Variants in SCNN1A observed in about 807,000 individuals in gnomAD.
The protein encoded by SCNN1A is epithelial sodium channel subunit alpha.
Under a neutral mutation model 68.6 loss-of-function variants are expected in SCNN1A, and 65 were observed. That is an observed-to-expected ratio of 0.95 (90% CI 0.78 to 1.16). The LOEUF (loss-of-function observed/expected upper bound fraction) is 1.16, where lower values mean the gene tolerates loss of function less well. SCNN1A is among the 50% of genes most tolerant of loss of function. SCNN1A has a pLI of 0.00. For missense variants in SCNN1A, 880 were observed against 865.9 expected, an observed-to-expected ratio of 1.02 and a Z score of -0.20; for synonymous variants, 357 against 353.3, an observed-to-expected ratio of 1.01 and a Z score of -0.12.
rs1948384105 is a variant in SCNN1A, at chr12:6,351,370, T to C, written c.1361-1965A>G. ...CGGGCGCAGTGGCTCATGCCTGTAA[T>C]CCCAGCACTTGGGGGCTGAGGTGGG... is the stretch of plus-strand genomic sequence containing the variant. On this transcript the variant is annotated intron_variant, in intron 8 of 12. Coordinates refer to ENST00000228916, the MANE Select transcript of SCNN1A (RefSeq NM_001038.6). The surrounding 1 kb of genome is among the most constrained non-coding windows in gnomAD (Gnocchi z 4.2). Among the ~76,000 whole-genome samples, 1 of 152,164 alleles carries C rather than the reference T, an allele frequency of 6.6e-6. No individual in the cohort carries two copies. The highest frequency in any genetic ancestry group is 1.5e-5 in the Non-Finnish European group (1 of 68,022).
Position 6,355,295 on chromosome 12 carries a change from C to T in SCNN1A, c.1120G>A (p.Glu374Lys). The change falls in exon 6 of 13, where the codon GAG becomes AAG. Residue 374 changes from glutamate to lysine, a missense_variant. Physicochemically the swap from Glu to Lys is moderately conservative, Grantham distance 56. This residue lies in a region of SCNN1A where 758 missense variants were observed against 721.8 expected (regional missense o/e 1.05). Coordinates refer to ENST00000228916, the MANE Select transcript of SCNN1A (RefSeq NM_001038.6). ...GCCTTCCTCATGCTGATGGAGGTCTCCACGCCAGGCCGCAAGTTAAAGCCA... is the reference window on the plus strand; with the variant it reads ...GCCTTCCTCATGCTGATGGAGGTCTTCACGCCAGGCCGCAAGTTAAAGCCA... Reference protein sequence around the residue: ...DGGFNLRPGVETSISMRKETL... With the variant: ...DGGFNLRPGVKTSISMRKETL... 1.9e-6 allele frequency: 3 copies of T among 1,613,408 alleles called. No homozygotes were observed. Among genetic ancestry groups the T allele is most frequent in the Non-Finnish European group, 2.5e-6 (3 of 1,179,690 alleles).
At position 6,355,433 on chromosome 12, in the gene SCNN1A, G is replaced by T; in HGVS notation, c.982C>A (p.Leu328Met). Residue 328 changes from leucine (L) to methionine (M), a missense_variant and splice_region_variant, in exon 6 of 13, where the codon CTG becomes ATG. Coordinates refer to ENST00000228916, the MANE Select transcript of SCNN1A (RefSeq NM_001038.6). ...MSSMPGINNG[L>M]SLMLRAEQND... ...TGCTCTGCGCGCAGCATCAGGGACA[G>T]ACCTAGGGGTGCAGAGAGAGCAGAG... The T allele has an allele frequency of 6.2e-7, 1 of 1,613,844 alleles. No homozygotes were observed.
Position 6,347,397 on chromosome 12 carries a change from G to A in SCNN1A, c.*476C>T, listed in dbSNP as rs1435402225. On this transcript the variant is annotated 3_prime_UTR_variant, in exon 13 of 13. Transcript: ENST00000228916. ...CTTTTGGGTGGGGTTTCCCACCCAA[G>A]TTCAAGAGGAGGAGCAGACATCTGT... The A allele has an allele frequency of 1.2e-5, 2 of 165,434 alleles. No homozygotes were observed. The highest frequency in any genetic ancestry group is 4.8e-5 in the African/African-American group (2 of 41,702). 10.2% of individuals were successfully genotyped at this position (165,434 alleles called of 1,614,324 possible).
At chr12:6,355,156 C>T in intron 6 of SCNN1A, 116 bp downstream of exon 6, 2 of 1,179,164 alleles carry the variant, frequency 1.7e-6, no homozygotes, top group African/African-American at 1.5e-5. Flanking sequence ...CTCCTGAAGA[C>T]CTCCACATGC....
rs1948455469 is a variant in SCNN1A at position 6,354,375 on chromosome 12, G to GA, written c.1360+62dup. On this transcript the variant is annotated intron_variant, in intron 8 of 12. Coordinates refer to ENST00000228916, the MANE Select transcript of SCNN1A (RefSeq NM_001038.6). The stretch of plus-strand genomic sequence containing the variant: ...ATCCCCACAAACAGGGGACTGAGAG[G>GA]AAAAAGTGCCTCAGTGAGTACTGGG... 2.8e-6 allele frequency: 3 copies of GA among 1,075,942 alleles called. No individual in the cohort carries two copies. The African/African-American group carries it at 4.7e-5, about 17-fold the overall frequency. The allele number at this position is 1,075,942 out of a possible 1,614,324, so 66.6% of individuals were successfully genotyped here. A position where few individuals can be genotyped will look rare whatever the true frequency, so the allele number is the denominator to read the frequency against.
In SCNN1A at chr12:6,351,635, A is replaced by G. The variant is rs549980738; in HGVS notation, c.1361-2230T>C. Among the ~76,000 whole-genome samples the G allele has an allele frequency of 2.1e-3, 321 of 151,966 alleles. No individual in the cohort carries two copies. Among genetic ancestry groups the G allele is most frequent in the African/African-American group, 7.4e-3 (305 of 41,490 alleles). On this transcript the variant is annotated intron_variant, in intron 8 of 12. Transcript: ENST00000228916. This position sits in a 1 kb window ranked among gnomAD's most constrained non-coding sequence, Gnocchi z 4.2. ...GAGGGAGATTCTGTCTCCAGAAGAA[A>G]AAAAAAAAAAAAGATTCAGAATAGG...
In SCNN1A at chr12:6,354,304, A is replaced by G. The variant is rs528903341; in HGVS notation, c.1360+134T>C. On this transcript the variant is annotated intron_variant, in intron 8 of 12. Transcript: ENST00000228916. ...AGAGGCAGAGACTAAAGGCTGAAAA[A>G]CAAGAGCAAGGAAGGATTCATCCCA... 87 of 717,984 alleles carry G rather than the reference A, an allele frequency of 1.2e-4. 2 individuals are homozygous for G. The South Asian group carries it at 1.3e-3, about 10-fold the overall frequency. The allele number at this position is 717,984 out of a possible 1,614,324, so 44.5% of individuals were successfully genotyped here.
chr12:6,354,614 G>A, intron 7 of SCNN1A, 59 bp from the exon 8 acceptor site: 5 of 1,425,792 alleles, frequency 3.5e-6, no homozygotes, highest in Non-Finnish European at 5.0e-6. Flanking sequence ...GCAGTTCTCT[G>A]CACAGAGCCT....
intron 8 of SCNN1A, among the ~76,000 whole-genome samples, chr12:6,350,325 G>A (rs569373169): frequency 3.3e-5 from 5 of 151,608 alleles, no homozygotes; most frequent in South Asian, 2.1e-4. Context: ...CCAGCTACTC[G>A]GGAGGCTGAG....
Position 6,349,490 on chromosome 12 carries a change from G to A in SCNN1A, c.1361-85C>T, listed in dbSNP as rs1948334316. 5.4e-6 allele frequency: 5 copies of A among 921,040 alleles called. 1 individual carries two copies. In the South Asian group the frequency reaches 7.0e-5, roughly 13 times the overall value. The allele number at this position is 921,040 out of a possible 1,614,324, so 57.1% of individuals were successfully genotyped here. A position where few individuals can be genotyped will look rare whatever the true frequency, so the allele number is the denominator to read the frequency against. On this transcript the variant is annotated intron_variant, in intron 8 of 12. Transcript: ENST00000228916. ...CCAAGAGGTCTCCCAAGATCCCTGG[G>A]TACCCACTTTACAAGAGCATTATTT...
Position 6,363,515 on chromosome 12 carries a change from A to G in SCNN1A, c.612T>C (p.Arg204=), listed in dbSNP as rs1430035555. The G allele has an allele frequency of 2.5e-6, 4 of 1,608,898 alleles. No individual in the cohort carries two copies. In the South Asian group the frequency reaches 3.3e-5, roughly 13 times the overall value. Residue 204 remains arginine, a synonymous_variant, in exon 3 of 13, where the codon CGT becomes CGC. Transcript: ENST00000228916. The part of the protein sequence containing the change: ...PPPPHGARRA[R]SVASSLRDNN... Reference sequence around the variant, plus strand: ...TGTCCCGCAAGCTGGAGGCCACGCTACGGGCTCGACGGGCCCCGTGAGGCG... The same window carrying G: ...TGTCCCGCAAGCTGGAGGCCACGCTGCGGGCTCGACGGGCCCCGTGAGGCG...
chr12:6,355,140 T>C lies in SCNN1A; in HGVS notation c.1143+132A>G, dbSNP rs1948473726. On this transcript the variant is annotated intron_variant, in intron 6 of 12. Coordinates refer to ENST00000228916, the MANE Select transcript of SCNN1A (RefSeq NM_001038.6). ...CCAGTGCCAGCCCCTCTGCCCCTCA[T>C]TCCTGCTCCTGAAGACCTCCACATG... The C allele has an allele frequency of 1.5e-5, 16 of 1,044,382 alleles. No homozygotes were observed. The South Asian group carries it at 2.0e-4, about 13-fold the overall frequency. 64.7% of individuals were successfully genotyped at this position (1,044,382 alleles called of 1,614,324 possible).
At chr12:6,354,318 G>A (rs542208017) in intron 8 of SCNN1A, 120 bp downstream of exon 8, 2 of 744,852 alleles carry the variant, frequency 2.7e-6, no homozygotes, top group African/African-American at 1.7e-5. Context: ...GAGCAAGGAA[G>A]GATTCATCCC....
At chr12:6,370,494 C>G (rs563394656) in intron 2 of SCNN1A, among the ~76,000 whole-genome samples, 2 of 152,358 alleles carry the variant, frequency 1.3e-5, no homozygotes, top group South Asian at 2.1e-4. Flanking sequence ...CCCCGGTGGC[C>G]TCCTCTCACA....
intron 2 of SCNN1A, among the ~76,000 whole-genome samples, chr12:6,370,151 C>G (rs1314232006): frequency 2.0e-5 from 3 of 152,208 alleles, no homozygotes; most frequent in Non-Finnish European, 4.4e-5. Flanking sequence ...AACCCTTACA[C>G]AATTCCATCG....
rs1948385965 is a variant in SCNN1A, at chr12:6,351,504, G to A, written c.1361-2099C>T. Among the ~76,000 whole-genome samples, 1 of 151,976 alleles carries A rather than the reference G, an allele frequency of 6.6e-6. No homozygotes were observed. The highest frequency in any genetic ancestry group is 2.4e-5 in the African/African-American group (1 of 41,366). On this transcript the variant is annotated intron_variant, in intron 8 of 12. Transcript: ENST00000228916. This position sits in a 1 kb window ranked among gnomAD's most constrained non-coding sequence, Gnocchi z 4.2. ...TGGGCTTGGCAGCATGCGCCTGTAT[G>A]TAGTCCCAGGTACTCGGGAAGCTGA...
At chr12:6,375,950 G>A (rs1295972886), upstream of SCNN1A, 1 of 1,056,716 alleles carries the variant, frequency 9.5e-7, no homozygotes, top group East Asian at 7.2e-5. Flanking sequence ...GAGGGGCACT[G>A]AGTGAGTAGA....
chr12:6,375,918 G>A (rs547756812), upstream of SCNN1A: 23 of 1,159,514 alleles, frequency 2.0e-5, 1 homozygote, highest in African/African-American at 8.1e-5. Context: ...GGACAGCGAA[G>A]GACAGAGAGA....
At chr12:6,353,516 G>A (rs182195643) in intron 8 of SCNN1A, among the ~76,000 whole-genome samples, 16 of 152,074 alleles carry the variant, frequency 1.1e-4, no homozygotes, top group East Asian at 5.8e-4. Flanking sequence ...TTGAGGAACC[G>A]CTGGAGGTTT....
Sources: allele counts gnomAD v4.1 joint callset (sites outside exome capture counted in the v4.1 genomes callset), GRCh38; gene constraint gnomAD v4.1.1; regional missense constraint gnomAD v4.1.1; non-coding constraint Gnocchi (gnomAD v3.1); transcripts MANE v1.5; gene names NCBI Gene and HGNC (gene_info 2026-07-23, HGNC 2026-07-21).